The following PAMR1 variants were observed in gnomAD, a reference collection of about 807,000 sequenced individuals.
The protein encoded by PAMR1 is peptidase domain containing associated with muscle regeneration 1, also known as inactive serine protease PAMR1.
Under a neutral mutation model 81.8 loss-of-function variants are expected in PAMR1, and 88 were observed. The ratio of observed to expected loss-of-function variants is 1.08; its 90% CI spans 0.91 to 1.28. PAMR1 has a LOEUF of 1.28. Among genes scored for constraint, PAMR1 ranks in the 50% most tolerant of loss-of-function variants. The probability of loss-of-function intolerance (pLI) is 0.00; values close to 1 mark genes in which losing one functional copy is unlikely to be tolerated. For missense variants in PAMR1, 935 were observed against 919.7 expected, an observed-to-expected ratio of 1.02 and a Z score of -0.21; for synonymous variants, 336 against 345.3, an observed-to-expected ratio of 0.97 and a Z score of 0.30.
upstream of PAMR1, among the ~76,000 whole-genome samples, chr11:35,527,054 T>C (rs928651067): frequency 1.3e-5 from 2 of 152,002 alleles, no homozygotes; most frequent in Non-Finnish European, 2.9e-5. Flanking sequence ...CTGAGGAAGG[T>C]AGAATCTGTA....
intron 6 of PAMR1, chr11:35,451,851 A>T (rs1465746776): frequency 5.7e-6 from 4 of 696,142 alleles, no homozygotes; most frequent in Non-Finnish European, 1.1e-5. Flanking sequence ...CCACATGAGG[A>T]TACAGCAAGA....
At chr11:35,457,450 C>T (rs1371512732) in intron 6 of PAMR1, among the ~76,000 whole-genome samples, 2 of 152,076 alleles carry the variant, frequency 1.3e-5, no homozygotes, top group Non-Finnish European at 2.9e-5. Flanking sequence ...TATCATGGCA[C>T]TTCTCAGCCT....
chr11:35,435,863 G>C (rs1856029508), intron 9 of PAMR1, 40 bp downstream of exon 9: 1 of 1,458,982 alleles, frequency 6.9e-7, no homozygotes, highest in Admixed American at 1.7e-5. Context: ...AGTCATGAAA[G>C]ATTGAGCATG....
chr11:35,516,951 A>T (rs1475767100), intron 1 of PAMR1, among the ~76,000 whole-genome samples: 3 of 152,188 alleles, frequency 2.0e-5, no homozygotes, highest in Non-Finnish European at 4.4e-5. Context: ...AGAGGGGGGA[A>T]GGGGAAAAAA....
intron 6 of PAMR1, among the ~76,000 whole-genome samples, chr11:35,463,440 G>A (rs932057727): frequency 1.4e-4 from 22 of 152,164 alleles, no homozygotes; most frequent in African/African-American, 4.3e-4. Flanking sequence ...CAACTGGGCC[G>A]GGGGAACAAA....
At chr11:35,505,123 T>G (rs931958739) in intron 1 of PAMR1, among the ~76,000 whole-genome samples, 25 of 152,166 alleles carry the variant, frequency 1.6e-4, no homozygotes, top group African/African-American at 5.8e-4. Flanking sequence ...TTGTCATTCA[T>G]AGGCACATTG....
rs755392964 is a variant in PAMR1, at chr11:35,474,682, C to G, written c.442G>C (p.Ala148Pro). Residue 148 changes from alanine (A) to proline (P), a missense_variant, in exon 4 of 11, where the codon GCT (alanine) becomes CCT (proline). Ala to Pro is a conservative substitution (Grantham distance 27, BLOSUM62 -1). Coordinates refer to ENST00000619888, the MANE Select transcript of PAMR1 (RefSeq NM_001001991.3). ...QILLESYPLN[A>P]HCEWTIHAKP... The stretch of plus-strand genomic sequence containing the variant: ...GCATGAATGGTCCATTCACAGTGAG[C>G]ATTTAGGGGATAGCTTTCCAACAAA... 2.5e-6 allele frequency: 4 copies of G among 1,610,776 alleles called. No individual in the cohort carries two copies. Among genetic ancestry groups the G allele is most frequent in the Non-Finnish European group, 3.4e-6 (4 of 1,178,588 alleles).
At chr11:35,450,283 T>C (rs571963116) in intron 6 of PAMR1, among the ~76,000 whole-genome samples, 14 of 152,258 alleles carry the variant, frequency 9.2e-5, no homozygotes, top group African/African-American at 2.9e-4. Flanking sequence ...AGACCGTCCA[T>C]AGACTATGCG....
chr11:35,474,503 T>A, intron 4 of PAMR1, 127 bp downstream of exon 4: 1 of 557,430 alleles, frequency 1.8e-6, no homozygotes. Flanking sequence ...TCCCAGAGAA[T>A]CAGAGTGGTA....
intron 7 of PAMR1, among the ~76,000 whole-genome samples, 168 bp from the exon 8 acceptor site, chr11:35,439,861 A>G (rs549178695): frequency 1.2e-4 from 19 of 152,184 alleles, no homozygotes; most frequent in Non-Finnish European, 2.8e-4. Context: ...TTTACAAAAG[A>G]GCTTGGTGCA....
At chr11:35,448,857 TTC>T (rs1396398989) in intron 6 of PAMR1, among the ~76,000 whole-genome samples, 1 of 152,186 alleles carries the variant, frequency 6.6e-6, no homozygotes, top group African/African-American at 2.4e-5. Flanking sequence ...TGTTGTTGCT[TTC>T]TGTTTTTCTT....
chr11:35,475,562 C>T (rs1002816785), intron 3 of PAMR1, among the ~76,000 whole-genome samples: 3 of 152,194 alleles, frequency 2.0e-5, no homozygotes, highest in African/African-American at 7.2e-5. Context: ...AAGATAAGCA[C>T]AGGTATAGAA....
In PAMR1 at chr11:35,470,704, C is replaced by T; in HGVS notation, c.609G>A (p.Arg203=). ...QIIKRVCGNE[R]PAPIQSIGSS... ...ATCCTATGCTCTGGATAGGAGCTGG[C>T]CGCTCGTTGCCACAGACACGCTTGA... is the stretch of plus-strand genomic sequence containing the variant. Residue 203 remains arginine (R), a synonymous_variant, in exon 5 of 11, where the codon CGG becomes CGA. Transcript: ENST00000619888. The T allele has an allele frequency of 3.1e-6, 5 of 1,614,120 alleles. No individual in the cohort carries two copies. Among genetic ancestry groups the T allele is most frequent in the South Asian group, 1.1e-5 (1 of 91,072 alleles).
intron 6 of PAMR1, among the ~76,000 whole-genome samples, chr11:35,457,341 G>A (rs938776804): frequency 6.6e-6 from 1 of 152,080 alleles, no homozygotes; most frequent in East Asian, 1.9e-4. Context: ...AGCACTCTTG[G>A]TTCTTAGGCC....
chr11:35,473,346 C>G (rs1240572046), intron 4 of PAMR1, among the ~76,000 whole-genome samples: 1 of 152,286 alleles, frequency 6.6e-6, no homozygotes, highest in East Asian at 1.9e-4. Context: ...CACCGTTTTG[C>G]TATTTTAGAA....
chr11:35,480,827 T>C (rs1267455676), intron 3 of PAMR1, among the ~76,000 whole-genome samples: 1 of 152,176 alleles, frequency 6.6e-6, no homozygotes, highest in Non-Finnish European at 1.5e-5. Context: ...ATGCATTAGA[T>C]ATTTGTTCCG....
intron 6 of PAMR1, among the ~76,000 whole-genome samples, chr11:35,466,167 T>C (rs10836401): frequency 0.38 from 57,018 of 151,928 alleles, 11,209 homozygotes; most frequent in African/African-American, 0.49. Flanking sequence ...CAGTATTTGC[T>C]ATTGTCAAGA....
At chr11:35,470,548 A>G in intron 5 of PAMR1, 53 bp downstream of exon 5, 1 of 1,316,244 alleles carries the variant, frequency 7.6e-7, no homozygotes, top group Non-Finnish European at 1.1e-6. Context: ...TGGAAAGGAG[A>G]TATTTATCTG....
At chr11:35,530,122 TAA>T (rs1440277320), upstream of PAMR1, 1 of 152,200 alleles carries the variant, frequency 6.6e-6, no homozygotes, top group Non-Finnish European at 1.5e-5. Flanking sequence ...TGCAAACCTA[TAA>T]GAGGCATCCC....
Sources: allele counts gnomAD v4.1 joint callset (sites outside exome capture counted in the v4.1 genomes callset), GRCh38; gene constraint gnomAD v4.1.1; transcripts MANE v1.5; gene names NCBI Gene and HGNC (gene_info 2026-07-23, HGNC 2026-07-21).